Variants in GFRA2 observed in about 807,000 individuals in gnomAD.
GFRA2 encodes the protein GDNF family receptor alpha 2.
In GFRA2, 17 loss-of-function variants were observed where a neutral mutation model predicts 48.3. That is an observed-to-expected ratio of 0.35 (90% CI 0.24 to 0.53). The LOEUF (loss-of-function observed/expected upper bound fraction) is 0.53. Among genes scored for constraint, GFRA2 ranks in the 20% least tolerant of loss-of-function variants. The pLI is 0.93. For missense variants in GFRA2, 660 were observed against 637.3 expected (o/e 1.04, Z -0.38); for synonymous variants, 305 against 257.2 (o/e 1.19, Z -1.78).
At chr8:21,709,973 G>T (rs964699010) in intron 4 of GFRA2, among the ~76,000 whole-genome samples, 3 of 152,214 alleles carry the variant, frequency 2.0e-5, no homozygotes, top group African/African-American at 4.8e-5. Context: ...GGGCCATAGG[G>T]AGAGAGGCGG....
rs1299416590 is a variant in GFRA2, at chr8:21,693,139, G to C, written c.*139C>G. ...CTTCTCCAGAGAAGAAACCTGGGAGGAGACAGGTTCAGCGACAAGGTGGGA... is the reference window on the plus strand; with the variant it reads ...CTTCTCCAGAGAAGAAACCTGGGAGCAGACAGGTTCAGCGACAAGGTGGGA... On this transcript the variant is annotated 3_prime_UTR_variant, in exon 9 of 9. Transcript: ENST00000524240. 1 of 723,868 alleles carries C rather than the reference G, an allele frequency of 1.4e-6. No individual in the cohort carries two copies. Among genetic ancestry groups the C allele is most frequent in the East Asian group, 3.4e-5 (1 of 29,030 alleles). 44.8% of individuals were successfully genotyped at this position (723,868 alleles called of 1,614,324 possible).
chr8:21,788,038 AG>A, intron 1 of GFRA2, 81 bp downstream of exon 1: 1 of 181,730 alleles, frequency 5.5e-6, no homozygotes, highest in East Asian at 1.2e-4. Flanking sequence ...ACCTCCCGCC[AG>A]CCCCCCACCG....
At chr8:21,693,714 G>T (rs907701678) in intron 8 of GFRA2, among the ~76,000 whole-genome samples, 1 of 19,016 alleles carries the variant, frequency 5.3e-5, no homozygotes, top group Non-Finnish European at 1.2e-4. Context: ...CTGCGTCCCA[G>T]TGAGGAGGCA....
chr8:21,697,165 ATAGGG>A (rs1802244922), intron 7 of GFRA2, among the ~76,000 whole-genome samples: 2 of 129,978 alleles, frequency 1.5e-5, no homozygotes, highest in Non-Finnish European at 3.3e-5. Flanking sequence ...GGGACAGAGG[ATAGGG>A]GAGGGGACAG....
At chr8:21,783,081 C>T in intron 1 of GFRA2, 182 bp from the exon 2 acceptor site, 1 of 713,490 alleles carries the variant, frequency 1.4e-6, no homozygotes. Flanking sequence ...TCATCCTCCC[C>T]TGGATGTAGG....
At chr8:21,700,038 G>A (rs1238399752) in intron 7 of GFRA2, among the ~76,000 whole-genome samples, 1 of 152,186 alleles carries the variant, frequency 6.6e-6, no homozygotes, top group Non-Finnish European at 1.5e-5. Flanking sequence ...AATCGGAGAA[G>A]GCATTCCCAA....
intron 7 of GFRA2, among the ~76,000 whole-genome samples, chr8:21,699,165 A>G (rs1473476208): frequency 6.6e-6 from 1 of 152,080 alleles, no homozygotes; most frequent in Non-Finnish European, 1.5e-5. Flanking sequence ...GTGCAGTAAG[A>G]ATTTCTGTTG....
intron 4 of GFRA2, among the ~76,000 whole-genome samples, chr8:21,722,139 C>G (rs1036798631): frequency 6.6e-6 from 1 of 152,098 alleles, no homozygotes; most frequent in African/African-American, 2.4e-5. Context: ...TTAGCTGATC[C>G]CAGAAACCAT....
chr8:21,802,678 C>T (rs2117115556), intron 2 of GFRA2, among the ~76,000 whole-genome samples: 2 of 152,158 alleles, frequency 1.3e-5, no homozygotes, highest in South Asian at 4.2e-4. Flanking sequence ...AAGACAGGAT[C>T]AAAAAGCATA....
At chr8:21,753,223 A>G (rs894508125) in intron 3 of GFRA2, among the ~76,000 whole-genome samples, 4 of 152,192 alleles carry the variant, frequency 2.6e-5, no homozygotes, top group Admixed American at 2.0e-4. Context: ...CTCACCACAC[A>G]CGGCTGCTGA....
At position 21,724,229 on chromosome 8, in the gene GFRA2, T is replaced by TG. The variant is rs1803745260; in HGVS notation, c.795-18189dup. Among the ~76,000 whole-genome samples the TG allele has an allele frequency of 3.3e-5, 5 of 151,536 alleles. No homozygotes were observed. In the South Asian group the frequency reaches 1.0e-3, roughly 32 times the overall value. Reference sequence around the variant, plus strand: ...GTATCTCCCTGCAGATGGTCTTGTGTGGGGGGCCTGGTGTTTCTTGGTGTT... The same window carrying TG: ...GTATCTCCCTGCAGATGGTCTTGTGTGGGGGGGCCTGGTGTTTCTTGGTGTT... On this transcript the variant is annotated intron_variant, in intron 4 of 8. Coordinates refer to ENST00000524240, the MANE Select transcript of GFRA2 (RefSeq NM_001495.5).
upstream of GFRA2, among the ~76,000 whole-genome samples, chr8:21,790,938 G>C (rs1279375886): frequency 6.6e-6 from 1 of 152,176 alleles, no homozygotes; most frequent in East Asian, 1.9e-4. Flanking sequence ...CCGAGGCTGG[G>C]AGCCTGGCCT....
At chr8:21,751,489 G>A (rs1177811624) in intron 3 of GFRA2, among the ~76,000 whole-genome samples, 1 of 152,172 alleles carries the variant, frequency 6.6e-6, no homozygotes, top group South Asian at 2.1e-4. Context: ...TACAGATAAG[G>A]AAACTGAAGC....
chr8:21,739,393 AT>A (rs1804640842), intron 4 of GFRA2, among the ~76,000 whole-genome samples: 1 of 152,070 alleles, frequency 6.6e-6, no homozygotes, highest in Non-Finnish European at 1.5e-5. Flanking sequence ...ACTCACCCTA[AT>A]TTCCATCAAG....
intron 2 of GFRA2, among the ~76,000 whole-genome samples, chr8:21,778,290 C>T (rs1176181692): frequency 6.6e-6 from 1 of 152,128 alleles, no homozygotes; most frequent in African/African-American, 2.4e-5. Flanking sequence ...AGGTAGACCC[C>T]GCCACTCACA....
intron 1 of GFRA2, among the ~76,000 whole-genome samples, chr8:21,806,275 T>A (rs1469705223): frequency 6.6e-6 from 1 of 152,200 alleles, no homozygotes; most frequent in Non-Finnish European, 1.5e-5. Context: ...AGAAACTACT[T>A]CCAATATGCA....
intron 1 of GFRA2, among the ~76,000 whole-genome samples, chr8:21,810,513 G>A (rs1221428279): frequency 1.3e-5 from 2 of 152,178 alleles, no homozygotes; most frequent in African/African-American, 4.8e-5. Flanking sequence ...AAAAGAACTG[G>A]GCCACAGGGA....
chr8:21,793,367 G>C (rs926754919), upstream of GFRA2, among the ~76,000 whole-genome samples: 41 of 152,320 alleles, frequency 2.7e-4, 1 homozygote, highest in African/African-American at 9.6e-4. Flanking sequence ...CCAACAGGGA[G>C]TGGCAGTGGG....
At chr8:21,725,960 G>A (rs900389485) in intron 4 of GFRA2, among the ~76,000 whole-genome samples, 7 of 152,350 alleles carry the variant, frequency 4.6e-5, no homozygotes, top group African/African-American at 7.2e-5. Flanking sequence ...GATCTTGAAC[G>A]CTGTGGCTCT....
Sources: allele counts gnomAD v4.1 joint callset (sites outside exome capture counted in the v4.1 genomes callset), GRCh38; gene constraint gnomAD v4.1.1; transcripts MANE v1.5; gene names NCBI Gene and HGNC (gene_info 2026-07-23, HGNC 2026-07-21).